Variants in PEAK1 observed in about 807,000 individuals in gnomAD.
PEAK1 encodes the protein inactive tyrosine-protein kinase PEAK1.
PEAK1 carries 54 observed loss-of-function variants against 124.7 expected under a neutral mutation model. The observed-to-expected ratio is 0.43, with a 90% confidence interval of 0.35 to 0.54. The LOEUF (loss-of-function observed/expected upper bound fraction) is 0.54, where lower values mean the gene tolerates loss of function less well. Among genes scored for constraint, PEAK1 ranks in the 20% least tolerant of loss-of-function variants. PEAK1 has a pLI of 0.01. For synonymous variants in PEAK1, 719 were observed against 760.0 expected, an observed-to-expected ratio of 0.95 and a Z score of 0.89; for missense variants, 2,046 against 2,134.5, an observed-to-expected ratio of 0.96 and a Z score of 0.82.
chr15:77,354,966 G>C (rs920160717), intron 2 of PEAK1, among the ~76,000 whole-genome samples: 1 of 152,012 alleles, frequency 6.6e-6, no homozygotes, highest in Non-Finnish European at 1.5e-5. Flanking sequence ...GTGAACCTGG[G>C]AGGCGGAGCT....
At chr15:77,128,133 C>T (rs2052550289) in intron 9 of PEAK1, among the ~76,000 whole-genome samples, 1 of 150,832 alleles carries the variant, frequency 6.6e-6, no homozygotes. Flanking sequence ...AAGGGTGTGG[C>T]TAAACAACTA....
At chr15:77,330,015 G>GA (rs541159230) in intron 2 of PEAK1, among the ~76,000 whole-genome samples, 85 of 148,002 alleles carry the variant, frequency 5.7e-4, no homozygotes, top group African/African-American at 1.7e-3. Flanking sequence ...ATATTAAAAA[G>GA]AAAAAAAAAT....
intron 2 of PEAK1, chr15:77,350,009 G>C: frequency 1.0e-6 from 1 of 984,824 alleles, no homozygotes; most frequent in Non-Finnish European, 1.2e-6. Flanking sequence ...CTAGGTTTAA[G>C]AAGAAGACAT....
chr15:77,225,666 T>TTATACATA (rs2059604276), intron 6 of PEAK1, among the ~76,000 whole-genome samples: 1 of 87,994 alleles, frequency 1.1e-5, no homozygotes, highest in Non-Finnish European at 2.3e-5. Context: ...TGTGTATAAT[T>TTATACATA]TATATATATA....
At chr15:77,215,905 AT>A (rs2059128554) in intron 6 of PEAK1, among the ~76,000 whole-genome samples, 1 of 88,012 alleles carries the variant, frequency 1.1e-5, no homozygotes, top group Non-Finnish European at 3.1e-5. Flanking sequence ...TTTGAGATAT[AT>A]TTTATATTTA....
intron 2 of PEAK1, among the ~76,000 whole-genome samples, chr15:77,354,032 G>A (rs976526156): frequency 3.9e-5 from 6 of 151,924 alleles, no homozygotes; most frequent in South Asian, 2.1e-4. Flanking sequence ...CCTCAATCCC[G>A]GGCAATTCCT....
rs570639335 is a variant in PEAK1 at position 77,304,713 on chromosome 15, A to C, written c.-602-18209T>G. On this transcript the variant is annotated intron_variant, in intron 2 of 9. Coordinates refer to ENST00000682557, the MANE Select transcript of PEAK1 (RefSeq NM_001385026.1). ...TCTGCTGCCTCGGCCTCCCAAAGTG[A>C]TGGGATTACAGGCATAAGCCACCAC... 1.2e-4 allele frequency among the ~76,000 whole-genome samples: 18 copies of C among 152,100 alleles called. No homozygotes were observed. In the South Asian group the frequency reaches 3.7e-3, roughly 32 times the overall value.
chr15:77,317,582 G>A (rs940817855), intron 2 of PEAK1, among the ~76,000 whole-genome samples: 2 of 152,136 alleles, frequency 1.3e-5, no homozygotes, highest in Non-Finnish European at 1.5e-5. Flanking sequence ...GTTGAATCAT[G>A]AGCATGTGTT....
intron 1 of PEAK1, among the ~76,000 whole-genome samples, chr15:77,415,609 T>A (rs1434751502): frequency 6.6e-6 from 1 of 152,224 alleles, no homozygotes; most frequent in Non-Finnish European, 1.5e-5. Flanking sequence ...CCCTTCACTC[T>A]TAGCAGATGA....
At chr15:77,326,831 A>C (rs1260461021) in intron 2 of PEAK1, among the ~76,000 whole-genome samples, 1 of 152,138 alleles carries the variant, frequency 6.6e-6, no homozygotes, top group Admixed American at 6.5e-5. Context: ...CTGGTGACAA[A>C]GAGCTCGTGC....
chr15:77,334,597 A>G, intron 2 of PEAK1: 2 of 985,390 alleles, frequency 2.0e-6, no homozygotes, highest in Non-Finnish European at 2.4e-6. Flanking sequence ...TCTCTAGCAT[A>G]AATGCCTACA....
chr15:77,158,437 C>T (rs770199456), intron 8 of PEAK1, 66 bp downstream of exon 8: 5 of 1,409,532 alleles, frequency 3.5e-6, no homozygotes, highest in South Asian at 1.2e-5. Flanking sequence ...TCCAAGAAAA[C>T]AGAACATTTG....
intron 2 of PEAK1, among the ~76,000 whole-genome samples, chr15:77,324,817 G>A (rs920744860): frequency 2.6e-5 from 4 of 152,154 alleles, no homozygotes; most frequent in African/African-American, 9.7e-5. Flanking sequence ...AACCATTGAT[G>A]AGAAATTTGC....
downstream of PEAK1, chr15:77,105,317 GGTGTGT>G (rs67540842): frequency 0.031 from 4,540 of 145,112 alleles, 79 homozygotes; most frequent in African/African-American, 0.046. Context: ...GCCATTAGTT[GGTGTGT>G]GTGTGTGTGT....
chr15:77,129,368 T>C (rs1405431172), intron 9 of PEAK1, among the ~76,000 whole-genome samples: 2 of 152,162 alleles, frequency 1.3e-5, no homozygotes, highest in East Asian at 1.9e-4. Context: ...TAGTACTCTA[T>C]GACTGCAGTG....
At chr15:77,323,469 A>G (rs1401725426) in intron 2 of PEAK1, among the ~76,000 whole-genome samples, 1 of 152,244 alleles carries the variant, frequency 6.6e-6, no homozygotes, top group African/African-American at 2.4e-5. Flanking sequence ...AAAAATCACA[A>G]GCATTCTTAT....
At chr15:77,407,002 A>G (rs571140771) in intron 1 of PEAK1, among the ~76,000 whole-genome samples, 1 of 152,292 alleles carries the variant, frequency 6.6e-6, no homozygotes, top group Non-Finnish European at 1.5e-5. Flanking sequence ...TCAACAAAGC[A>G]AACAAAAAAC....
chr15:77,268,565 A>C (rs981278924), intron 5 of PEAK1, among the ~76,000 whole-genome samples: 2 of 152,114 alleles, frequency 1.3e-5, no homozygotes, highest in Non-Finnish European at 2.9e-5. Flanking sequence ...GGAAGAAGAG[A>C]AATCTAAAAG....
At chr15:77,184,992 AT>A (rs1365681769) in intron 6 of PEAK1, among the ~76,000 whole-genome samples, 1 of 152,236 alleles carries the variant, frequency 6.6e-6, no homozygotes, top group Non-Finnish European at 1.5e-5. Context: ...TATGTAGAAA[AT>A]GGACTCGGGA....
Sources: allele counts gnomAD v4.1 joint callset (sites outside exome capture counted in the v4.1 genomes callset), GRCh38; gene constraint gnomAD v4.1.1; transcripts MANE v1.5; gene names NCBI Gene and HGNC (gene_info 2026-07-23, HGNC 2026-07-21).